The following THSD7B variants were observed in gnomAD, a reference collection of about 807,000 sequenced individuals.
THSD7B encodes thrombospondin type-1 domain-containing protein 7B.
Under a neutral mutation model 213.6 loss-of-function variants are expected in THSD7B, and 138 were observed. The ratio of observed to expected loss-of-function variants is 0.65; its 90% confidence interval spans 0.56 to 0.74. The LOEUF (loss-of-function observed/expected upper bound fraction) is 0.74, where lower values mean the gene tolerates loss of function less well. THSD7B is among the 30% of genes least tolerant of loss of function. THSD7B has a pLI of 0.00. For synonymous variants in THSD7B, 742 were observed against 687.0 expected (o/e 1.08, Z -1.25); for missense variants, 1,931 against 1,991.5 (o/e 0.97, Z 0.58).
chr2:137,629,110 T>TGCCTA (rs1371660022), intron 20 of THSD7B, among the ~76,000 whole-genome samples: 1 of 152,190 alleles, frequency 6.6e-6, no homozygotes, highest in East Asian at 1.9e-4. Context: ...TTATTGTCAT[T>TGCCTA]GCCTAGATGG....
chr2:137,180,194 T>C (rs553589093), intron 7 of THSD7B, among the ~76,000 whole-genome samples: 1 of 152,256 alleles, frequency 6.6e-6, no homozygotes, highest in African/African-American at 2.4e-5. Context: ...GTACAGTAGG[T>C]CAGAGATGGA....
Position 137,573,254 on chromosome 2 carries a change from G to A in THSD7B, c.3423+698G>A, listed in dbSNP as rs1306944701. On this transcript the variant is annotated intron_variant, in intron 17 of 27. Transcript: ENST00000409968. ...TAAACACTGAAAAAAATGAAAGTGG[G>A]GATTAGGAACAAATTATATGAATTC... Among the ~76,000 whole-genome samples the A allele has an allele frequency of 4.6e-5, 7 of 151,920 alleles. No homozygotes were observed. In the South Asian group the frequency reaches 1.5e-3, roughly 32 times the overall value.
At chr2:137,373,137 G>A (rs1685569668) in intron 12 of THSD7B, among the ~76,000 whole-genome samples, 1 of 152,078 alleles carries the variant, frequency 6.6e-6, no homozygotes, top group Non-Finnish European at 1.5e-5. Context: ...CTGCTATTGT[G>A]AATAGTGCCG....
intron 2 of THSD7B, among the ~76,000 whole-genome samples, chr2:136,929,440 G>T (rs920622294): frequency 2.0e-5 from 3 of 152,000 alleles, no homozygotes; most frequent in Non-Finnish European, 4.4e-5. Context: ...ATAGTCATTG[G>T]TCTTATGTAT....
intron 2 of THSD7B, among the ~76,000 whole-genome samples, chr2:136,955,659 A>C (rs1285280990): frequency 1.3e-5 from 2 of 152,186 alleles, no homozygotes; most frequent in Non-Finnish European, 2.9e-5. Flanking sequence ...ATTTCTTAGA[A>C]CGTTGCATCT....
At chr2:136,852,346 A>C (rs1174795293) in intron 1 of THSD7B, among the ~76,000 whole-genome samples, 1 of 150,722 alleles carries the variant, frequency 6.6e-6, no homozygotes, top group African/African-American at 2.5e-5. Flanking sequence ...AACAAAACAA[A>C]ACAACAAAAA....
chr2:137,295,923 A>G (rs990341), intron 12 of THSD7B, among the ~76,000 whole-genome samples: 151,668 of 152,260 alleles, frequency 1, 75,545 homozygotes, highest in Middle Eastern at 1. Context: ...GCAAATCCAT[A>G]TCCTGTATGA....
At chr2:137,141,842 A>T (rs949351005) in intron 5 of THSD7B, among the ~76,000 whole-genome samples, 1 of 152,108 alleles carries the variant, frequency 6.6e-6, no homozygotes, top group African/African-American at 2.4e-5. Flanking sequence ...TCACTGTTAC[A>T]GTCTAGAAGT....
intron 20 of THSD7B, among the ~76,000 whole-genome samples, chr2:137,641,381 A>G (rs1277337321): frequency 1.3e-5 from 2 of 152,216 alleles, no homozygotes; most frequent in Admixed American, 1.3e-4. Flanking sequence ...TGCTCATGGC[A>G]GTGATCTCTG....
At chr2:137,665,734 A>G (rs1455487830) in intron 26 of THSD7B, among the ~76,000 whole-genome samples, 1 of 152,172 alleles carries the variant, frequency 6.6e-6, no homozygotes, top group African/African-American at 2.4e-5. Flanking sequence ...GAATGAAAAC[A>G]ATATAAATGC....
chr2:137,028,508 A>G (rs1274571586), intron 2 of THSD7B, among the ~76,000 whole-genome samples: 1 of 152,232 alleles, frequency 6.6e-6, no homozygotes, highest in East Asian at 1.9e-4. Context: ...CACATTTAGG[A>G]AATGAGAAAA....
chr2:137,415,010 C>T (rs545554395), intron 14 of THSD7B, among the ~76,000 whole-genome samples: 22 of 141,406 alleles, frequency 1.6e-4, no homozygotes, highest in African/African-American at 5.6e-4. Context: ...GAGCCAACAT[C>T]GTGCCACTGC....
chr2:137,141,753 T>A (rs1679591853), intron 5 of THSD7B, among the ~76,000 whole-genome samples: 1 of 151,974 alleles, frequency 6.6e-6, no homozygotes, highest in South Asian at 2.1e-4. Context: ...GTTATCACCA[T>A]CTGCTGGCAA....
rs145102211 is a variant in THSD7B, at chr2:137,049,973, A to G, written c.140-6447A>G. Among the ~76,000 whole-genome samples, 19 of 152,288 alleles carry G rather than the reference A, an allele frequency of 1.2e-4. 1 individual carries two copies. The East Asian group carries it at 3.7e-3, about 29-fold the overall frequency. ...AGAAACCAGCGTGATATAGAGTTAC[A>G]AATCACTGGATTGGGTGTGTGTAAA... On this transcript the variant is annotated intron_variant, in intron 2 of 27. Coordinates refer to ENST00000409968, the MANE Select transcript of THSD7B (RefSeq NM_001316349.2).
intron 1 of THSD7B, among the ~76,000 whole-genome samples, chr2:136,850,521 G>A (rs1045334860): frequency 6.6e-6 from 1 of 151,904 alleles, no homozygotes; most frequent in Admixed American, 6.6e-5. Flanking sequence ...TCTACCATTA[G>A]CAGCTTGTAA....
chr2:136,988,120 G>A (rs980316103), intron 2 of THSD7B, among the ~76,000 whole-genome samples: 1 of 152,164 alleles, frequency 6.6e-6, no homozygotes, highest in East Asian at 1.9e-4. Flanking sequence ...CGTCTCCCCA[G>A]TGAGATTCTT....
In THSD7B at chr2:137,154,745, G is replaced by C. The variant is rs1322323847; in HGVS notation, c.1370-5468G>C. 2.0e-5 allele frequency among the ~76,000 whole-genome samples: 3 copies of C among 152,032 alleles called. No individual in the cohort carries two copies. The East Asian group carries it at 5.8e-4, about 29-fold the overall frequency. On this transcript the variant is annotated intron_variant, in intron 5 of 27. Coordinates refer to ENST00000409968, the MANE Select transcript of THSD7B (RefSeq NM_001316349.2). The stretch of plus-strand genomic sequence containing the variant: ...CAGTCACATACTAATAATCACAACA[G>C]GCATTTTTCCTCTTAATTACAATTC...
At chr2:137,540,523 C>T (rs931995748) in intron 15 of THSD7B, among the ~76,000 whole-genome samples, 3 of 151,608 alleles carry the variant, frequency 2.0e-5, no homozygotes, top group Non-Finnish European at 4.4e-5. Context: ...ATTTTGGAAG[C>T]CAGTGGAGAG....
intron 12 of THSD7B, among the ~76,000 whole-genome samples, chr2:137,316,497 T>C (rs112462495): frequency 0.056 from 8,514 of 152,214 alleles, 326 homozygotes; most frequent in East Asian, 0.1. Flanking sequence ...AAGGTGAGGC[T>C]GGGCGTGGTG....
Sources: allele counts gnomAD v4.1 joint callset (sites outside exome capture counted in the v4.1 genomes callset), GRCh38; gene constraint gnomAD v4.1.1; transcripts MANE v1.5; gene names NCBI Gene and HGNC (gene_info 2026-07-23, HGNC 2026-07-21).